IQGAP2: variants seen among roughly 807,000 people sequenced by gnomAD.
IQGAP2 encodes the protein ras GTPase-activating-like protein IQGAP2.
In IQGAP2, 173 loss-of-function variants were observed where a neutral mutation model predicts 201.3. That is an observed-to-expected ratio of 0.86 (90% CI 0.76 to 0.98). IQGAP2 has a LOEUF of 0.98. Among genes scored for constraint, IQGAP2 ranks in the 50% least tolerant of loss-of-function variants. IQGAP2 has a pLI of 0.00. For missense variants in IQGAP2, 1,687 were observed against 1,864.8 expected (o/e 0.90, Z 1.76); for synonymous variants, 675 against 673.9 (o/e 1.00, Z -0.03).
At chr5:76,529,399 G>A (rs1404428971) in intron 2 of IQGAP2, among the ~76,000 whole-genome samples, 2 of 152,074 alleles carry the variant, frequency 1.3e-5, no homozygotes, top group African/African-American at 4.8e-5. Context: ...GGAGGCAAAG[G>A]TGGGCAGATC....
At chr5:76,448,344 C>T (rs1753531083) in intron 1 of IQGAP2, among the ~76,000 whole-genome samples, 1 of 152,198 alleles carries the variant, frequency 6.6e-6, no homozygotes, top group South Asian at 2.1e-4. Context: ...TCTCCTAGCC[C>T]TCTATCCTTA....
chr5:76,546,756 C>T (rs1210660821), intron 2 of IQGAP2, among the ~76,000 whole-genome samples: 1 of 152,158 alleles, frequency 6.6e-6, no homozygotes, highest in Non-Finnish European at 1.5e-5. Flanking sequence ...TAACTACGGA[C>T]ACACATGTCA....
chr5:76,506,222 CGAGA>C (rs985277626), intron 2 of IQGAP2, among the ~76,000 whole-genome samples: 18 of 152,258 alleles, frequency 1.2e-4, no homozygotes, highest in Admixed American at 1.2e-3. Context: ...GAAAGTAACC[CGAGA>C]GAGCTACTTG....
At chr5:76,503,301 G>A (rs1196439712) in intron 2 of IQGAP2, among the ~76,000 whole-genome samples, 1 of 149,696 alleles carries the variant, frequency 6.7e-6, no homozygotes. Flanking sequence ...AGCCTCCTGA[G>A]TAGCTGGGAT....
chr5:76,407,400 GA>G (rs1580126167), intron 1 of IQGAP2, among the ~76,000 whole-genome samples: 1 of 152,192 alleles, frequency 6.6e-6, no homozygotes, highest in African/African-American at 2.4e-5. Flanking sequence ...TGACCAATCT[GA>G]GATGAAATTT....
At chr5:76,499,571 C>T (rs1282910885) in intron 2 of IQGAP2, among the ~76,000 whole-genome samples, 1 of 152,120 alleles carries the variant, frequency 6.6e-6, no homozygotes, top group Non-Finnish European at 1.5e-5. Flanking sequence ...GTTGTCTGTG[C>T]AGTTTTTTAA....
chr5:76,701,536 G>T (rs1314203262), intron 34 of IQGAP2, among the ~76,000 whole-genome samples: 1 of 152,176 alleles, frequency 6.6e-6, no homozygotes, highest in East Asian at 1.9e-4. Flanking sequence ...TTGCAAAATA[G>T]CACCTTTCTC....
rs1189170592 is a variant in IQGAP2, at chr5:76,572,747, A to G, written c.381+2090A>G. ...GCCACCATGCCTGGCCTGTACAGCT[A>G]TTTTTAAAAAATTATTTAGGAGTGG... On this transcript the variant is annotated intron_variant, in intron 4 of 35. Coordinates refer to ENST00000274364, the MANE Select transcript of IQGAP2 (RefSeq NM_006633.5). 2.0e-5 allele frequency among the ~76,000 whole-genome samples: 3 copies of G among 152,102 alleles called. No individual in the cohort carries two copies. The East Asian group carries it at 5.8e-4, about 29-fold the overall frequency.
At chr5:76,598,628 C>T (rs1449910594) in intron 10 of IQGAP2, among the ~76,000 whole-genome samples, 1 of 152,160 alleles carries the variant, frequency 6.6e-6, no homozygotes, top group Non-Finnish European at 1.5e-5. Context: ...ATGAATTATA[C>T]AGATTTTCTG....
rs1249322879 is a variant in IQGAP2 at position 76,637,071 on chromosome 5, C to CA, written c.1824dup (p.Tyr609IlefsTer2). On this transcript the variant is annotated frameshift_variant, in exon 16 of 36. Coordinates refer to ENST00000274364, the MANE Select transcript of IQGAP2 (RefSeq NM_006633.5). LOFTEE classifies it high-confidence loss of function. ...GTTCATGGCTCAAACTCAACCTGCA[C>CA]AAAAAATATGACTACTATTACAACA... The CA allele has an allele frequency of 3.7e-6, 6 of 1,611,160 alleles. No homozygotes were observed. Among genetic ancestry groups the CA allele is most frequent in the Non-Finnish European group, 5.1e-6 (6 of 1,178,234 alleles).
chr5:76,635,478 G>C (rs1751049468), intron 15 of IQGAP2, among the ~76,000 whole-genome samples: 1 of 152,140 alleles, frequency 6.6e-6, no homozygotes, highest in South Asian at 2.1e-4. Context: ...TTCCCACTGA[G>C]ACAGTTGCCT....
chr5:76,517,597 C>A (rs575867528), intron 2 of IQGAP2, among the ~76,000 whole-genome samples: 1 of 144,384 alleles, frequency 6.9e-6, no homozygotes, highest in Non-Finnish European at 1.5e-5. Context: ...AAAGTGAGAC[C>A]CTGTTTCAAA....
At position 76,597,655 on chromosome 5, in the gene IQGAP2, G is replaced by T. The variant is rs145645967; in HGVS notation, c.1071+53G>T. ...GGACGGTAACCCTGCGTGCCATGGC[G>T]CACTAGGGAAGCCTAGTTAGGAAAG... On this transcript the variant is annotated intron_variant, in intron 10 of 35. Transcript: ENST00000274364. 2.3e-3 allele frequency: 3,709 copies of T among 1,580,918 alleles called. 5 individuals are homozygous for T. The highest frequency in any genetic ancestry group is 2.9e-3 in the Non-Finnish European group (3,346 of 1,153,238).
At position 76,702,735 on chromosome 5, in the gene IQGAP2, G is replaced by T. The variant is rs1013594753; in HGVS notation, c.4614+145G>T. The T allele has an allele frequency of 2.7e-5, 11 of 410,824 alleles. No individual in the cohort carries two copies. The South Asian group carries it at 4.1e-4, about 15-fold the overall frequency. The allele number at this position is 410,824 out of a possible 1,614,324, so 25.4% of individuals were successfully genotyped here. On this transcript the variant is annotated intron_variant, in intron 35 of 35. Transcript: ENST00000274364. ...TATTTGCCAATATTTGTTAAGTGTT[G>T]ATGATTTTTAAGAGCTGTGACTTTT...
intron 9 of IQGAP2, 54 bp downstream of exon 9, chr5:76,592,979 C>A: frequency 1.7e-6 from 2 of 1,207,242 alleles, no homozygotes; most frequent in Non-Finnish European, 2.4e-6. Context: ...TACAGACTTT[C>A]CTTGCCAGAA....
At chr5:76,520,700 CTTTTT>C (rs5868829) in intron 2 of IQGAP2, among the ~76,000 whole-genome samples, 4 of 109,220 alleles carry the variant, frequency 3.7e-5, no homozygotes, top group East Asian at 2.9e-4. Flanking sequence ...GGTCTCTCCT[CTTTTT>C]TTTTTTTTTT....
intron 11 of IQGAP2, among the ~76,000 whole-genome samples, chr5:76,603,138 CT>C: frequency 6.6e-6 from 1 of 152,320 alleles, no homozygotes; most frequent in East Asian, 1.9e-4. Flanking sequence ...GTATTTTGTG[CT>C]TTAGCCAAGT....
chr5:76,665,066 G>A lies in IQGAP2; in HGVS notation c.2570G>A (p.Gly857Glu). The A allele has an allele frequency of 6.3e-7, 1 of 1,596,154 alleles. No homozygotes were observed. Among genetic ancestry groups the A allele is most frequent in the East Asian group, 2.2e-5 (1 of 44,698 alleles). Residue 857 changes from glycine (G) to glutamate (E), a missense_variant, in exon 22 of 36, where the codon GGA becomes GAA. By Grantham distance (98) the Gly-to-Glu change is moderately conservative (BLOSUM62 -2). Transcript: ENST00000274364. ...AGTAAAAAGCTGAACAAGAAAAAAG[G>A]AGGAGAAATGGAAATACTGAATAAC... ...SHSKKLNKKK[G>E]GEMEILNNTD...
intron 2 of IQGAP2, among the ~76,000 whole-genome samples, chr5:76,558,964 G>A (rs1455175869): frequency 6.6e-6 from 1 of 151,954 alleles, no homozygotes; most frequent in Non-Finnish European, 1.5e-5. Context: ...GCAGTGGCGC[G>A]ATCTCGGCTC....
Sources: gnomAD v4.1 joint callset for allele counts (sites outside exome capture counted in the v4.1 genomes callset) on GRCh38, gnomAD v4.1.1 for gene constraint, MANE v1.5 for transcripts, NCBI Gene and HGNC (gene_info 2026-07-23, HGNC 2026-07-21) for gene names.